The following KAT14 variants were observed in gnomAD, a reference collection of about 807,000 sequenced individuals.
The protein encoded by KAT14 is cysteine-rich protein 2-binding protein.
Under a neutral mutation model 78.4 loss-of-function variants are expected in KAT14, and 66 were observed. The ratio of observed to expected loss-of-function variants is 0.84; its 90% confidence interval spans 0.69 to 1.03. The LOEUF (loss-of-function observed/expected upper bound fraction) is 1.03. Among genes scored for constraint, KAT14 ranks in the 50% least tolerant of loss-of-function variants. The probability of loss-of-function intolerance (pLI) is 0.00; values close to 1 mark genes in which losing one functional copy is unlikely to be tolerated. For missense variants in KAT14, 870 were observed against 972.5 expected, an observed-to-expected ratio of 0.89 and a Z score of 1.40; for synonymous variants, 344 against 359.4, an observed-to-expected ratio of 0.96 and a Z score of 0.48.
At position 18,159,227 on chromosome 20, in the gene KAT14, A is replaced by T; in HGVS notation, c.644A>T (p.Glu215Val). The T allele has an allele frequency of 1.2e-6, 2 of 1,614,054 alleles. No individual in the cohort carries two copies. Among genetic ancestry groups the T allele is most frequent in the Non-Finnish European group, 1.7e-6 (2 of 1,179,998 alleles). The change falls in exon 5 of 11, where the codon GAA becomes GTA. Residue 215 changes from glutamate to valine, a missense_variant. By Grantham distance (121) the Glu-to-Val change is moderately radical (BLOSUM62 -2). Coordinates refer to ENST00000688188, the MANE Select transcript of KAT14 (RefSeq NM_001392073.1). ...VHNKPPTMKP[E>V]GEKLSASTLK... The stretch of plus-strand genomic sequence containing the variant: ...AACAAGCCCCCAACGATGAAACCTG[A>T]AGGAGAGAAGTTGTCTGCCTCTACT...
intron 1 of KAT14, chr20:18,138,305 C>G (rs761185770): frequency 6.3e-5 from 75 of 1,185,144 alleles, no homozygotes; most frequent in Non-Finnish European, 7.7e-5. Context: ...GCCTTTGGAG[C>G]TCCGCGCTGA....
In KAT14 at chr20:18,187,630, G is replaced by A; in HGVS notation, c.*171G>A. 9.0e-7 allele frequency: 1 copy of A among 1,110,650 alleles called. No homozygotes were observed. The highest frequency in any genetic ancestry group is 1.2e-6 in the Non-Finnish European group (1 of 813,758). The allele number at this position is 1,110,650 out of a possible 1,614,324, so 68.8% of individuals were successfully genotyped here. ...CATGCAGTGAAATGAGCAGTGAGCAGCCCTTTAGCAAAATCGCCCTCCAGT... is the reference window on the plus strand; with the variant it reads ...CATGCAGTGAAATGAGCAGTGAGCAACCCTTTAGCAAAATCGCCCTCCAGT... On this transcript the variant is annotated 3_prime_UTR_variant, in exon 11 of 11. Coordinates refer to ENST00000688188, the MANE Select transcript of KAT14 (RefSeq NM_001392073.1).
chr20:18,142,593 A>C lies in KAT14; in HGVS notation c.-68A>C. The C allele has an allele frequency of 6.3e-7, 1 of 1,593,888 alleles. No individual in the cohort carries two copies. The highest frequency in any genetic ancestry group is 8.6e-7 in the Non-Finnish European group (1 of 1,168,406). ...TCTGGGTGATCCTGGTAGAAGCCCCATTAGGGTCACTGTCCAGTGCTTAGG... is the reference window on the plus strand; with the variant it reads ...TCTGGGTGATCCTGGTAGAAGCCCCCTTAGGGTCACTGTCCAGTGCTTAGG... On this transcript the variant is annotated 5_prime_UTR_variant, in exon 2 of 11. Coordinates refer to ENST00000688188, the MANE Select transcript of KAT14 (RefSeq NM_001392073.1).
intron 8 of KAT14, among the ~76,000 whole-genome samples, chr20:18,182,861 C>G (rs945307329): frequency 2.6e-5 from 4 of 152,180 alleles, no homozygotes; most frequent in African/African-American, 9.7e-5. Context: ...GAATCTGATG[C>G]TGTATCTGTT....
Position 18,150,824 on chromosome 20 carries a change from G to T in KAT14, c.382G>T (p.Val128Phe). 2.5e-6 allele frequency: 4 copies of T among 1,613,988 alleles called. No individual in the cohort carries two copies. Among genetic ancestry groups the T allele is most frequent in the Non-Finnish European group, 3.4e-6 (4 of 1,179,992 alleles). Residue 128 changes from valine to phenylalanine, a missense_variant, in exon 4 of 11, where the codon GTC (valine) becomes TTC (phenylalanine). Transcript: ENST00000688188. ...TCTTGTTTCAATTGTGTTTCAGGTC[G>T]TCATGTTGGCAATGTACAACTTGTC... ...ERLKLTWQQVVMLAMYNLSLE... is the reference protein window; with the variant it reads ...ERLKLTWQQVFMLAMYNLSLE...
chr20:18,162,291 A>G, intron 6 of KAT14, 52 bp downstream of exon 6: 1 of 1,609,456 alleles, frequency 6.2e-7, no homozygotes, highest in South Asian at 1.1e-5. Flanking sequence ...CCATGGTATA[A>G]ATGTACAAGT....
chr20:18,170,428 C>T (rs2038803090), intron 7 of KAT14, among the ~76,000 whole-genome samples: 1 of 152,240 alleles, frequency 6.6e-6, no homozygotes. Context: ...TCTACCCTGG[C>T]TGTGCTCTAT....
intron 1 of KAT14, among the ~76,000 whole-genome samples, chr20:18,138,995 G>A (rs1180210895): frequency 6.6e-6 from 1 of 152,194 alleles, no homozygotes; most frequent in South Asian, 2.1e-4. Flanking sequence ...TGAAAATAAT[G>A]GACTGGATGA....
rs145660797 is a variant in KAT14, at chr20:18,176,106, A to G, written c.1669-5604A>G. The stretch of plus-strand genomic sequence containing the variant: ...ATCATGATGTCAGGAGTTCAAGACC[A>G]GCCTGGCCAACATAATGAAACCCCG... On this transcript the variant is annotated intron_variant, in intron 7 of 10. Transcript: ENST00000688188. 2.8e-4 allele frequency among the ~76,000 whole-genome samples: 42 copies of G among 152,082 alleles called. No individual in the cohort carries two copies. The East Asian group carries it at 7.4e-3, about 27-fold the overall frequency.
chr20:18,152,819 C>T (rs2038096965), intron 4 of KAT14, among the ~76,000 whole-genome samples: 1 of 152,176 alleles, frequency 6.6e-6, no homozygotes, highest in South Asian at 2.1e-4. Context: ...GTTCATTGGT[C>T]ACTGTGTTTA....
chr20:18,168,858 A>G (rs2038751226), intron 7 of KAT14, among the ~76,000 whole-genome samples: 1 of 152,146 alleles, frequency 6.6e-6, no homozygotes, highest in Non-Finnish European at 1.5e-5. Flanking sequence ...GTCTGACATT[A>G]AATTGGGGAT....
upstream of KAT14, chr20:18,137,806 A>T: frequency 1.2e-6 from 1 of 806,824 alleles, no homozygotes; most frequent in Non-Finnish European, 1.8e-6. Flanking sequence ...TCGATTGCTC[A>T]CGCCTGGCAG....
chr20:18,139,633 CGTGTGTGTGTGTGTGTGT>C (rs71194228), intron 1 of KAT14, among the ~76,000 whole-genome samples: 51 of 141,714 alleles, frequency 3.6e-4, no homozygotes, highest in South Asian at 1.5e-3. Context: ...ACCAAAATAA[CGTGTGTGTGTGTGTGTGT>C]GTGTGTGTGT....
rs137933417 is a variant in KAT14 at position 18,187,404 on chromosome 20, A to G, written c.2291A>G (p.Tyr764Cys). ...EYVLDFYDKY[Y>C]PLESTECKHA... Reference sequence around the variant, plus strand: ...GTATTAGATTTCTATGATAAATATTACCCATTGGAGAGTACAGAGTGTAAA... The same window carrying G: ...GTATTAGATTTCTATGATAAATATTGCCCATTGGAGAGTACAGAGTGTAAA... The change falls in exon 11 of 11, where the codon TAC becomes TGC. Residue 764 changes from tyrosine to cysteine, a missense_variant. By Grantham distance (194) the Tyr-to-Cys change is radical (BLOSUM62 -2). Transcript: ENST00000688188. 3.2e-5 allele frequency: 52 copies of G among 1,614,230 alleles called. No homozygotes were observed. In the African/African-American group the frequency reaches 6.0e-4, roughly 19 times the overall value.
Position 18,162,930 on chromosome 20 carries a change from C to T in KAT14, c.1653C>T (p.Ile551=). The T allele has an allele frequency of 6.2e-7, 1 of 1,613,978 alleles. No individual in the cohort carries two copies. Among genetic ancestry groups the T allele is most frequent in the African/African-American group, 1.3e-5 (1 of 75,040 alleles). ...GAACCACCTGTCAGGACTTCAGAAT[C>T]CTTGACCGATACCAGGTGAATGCAA... The part of the protein sequence containing the change: ...TYRTTCQDFR[I]LDRYQTSLPS... Residue 551 remains isoleucine (I), a synonymous_variant, in exon 7 of 11, where the codon ATC becomes ATT. Transcript: ENST00000688188.
chr20:18,138,326 C>T (rs566169741), intron 1 of KAT14: 2 of 1,143,812 alleles, frequency 1.7e-6, no homozygotes, highest in African/African-American at 3.2e-5. Flanking sequence ...AGGGGCCTTG[C>T]TCCGCACAGG....
intron 4 of KAT14, among the ~76,000 whole-genome samples, chr20:18,158,538 G>A (rs2038302181): frequency 6.6e-6 from 1 of 152,172 alleles, no homozygotes; most frequent in Non-Finnish European, 1.5e-5. Flanking sequence ...CTGTGTTTGT[G>A]GAGTATACCA....
intron 4 of KAT14, among the ~76,000 whole-genome samples, chr20:18,156,915 G>A (rs2038247482): frequency 6.6e-6 from 1 of 152,186 alleles, no homozygotes; most frequent in African/African-American, 2.4e-5. Context: ...GGGAGGATAC[G>A]ATGAAATCTG....
chr20:18,145,165 C>T, intron 2 of KAT14, 68 bp from the exon 3 acceptor site: 7 of 1,532,798 alleles, frequency 4.6e-6, no homozygotes, highest in African/African-American at 1.4e-5. Context: ...GGGTGATAAA[C>T]GGATTAAACC....
Sources: allele counts gnomAD v4.1 joint callset (sites outside exome capture counted in the v4.1 genomes callset), GRCh38; gene constraint gnomAD v4.1.1; transcripts MANE v1.5; gene names NCBI Gene and HGNC (gene_info 2026-07-23, HGNC 2026-07-21).